PIK3C2B: variants seen among roughly 807,000 people sequenced by gnomAD.
The protein encoded by PIK3C2B is phosphatidylinositol 4-phosphate 3-kinase C2 domain-containing subunit beta.
Under a neutral mutation model 184.3 loss-of-function variants are expected in PIK3C2B, and 83 were observed. That is an observed-to-expected ratio of 0.45 (90% CI 0.38 to 0.54). The LOEUF is 0.54. Ranked by LOEUF, PIK3C2B falls within the 20% of genes least tolerant of loss-of-function variation. The pLI, the probability that PIK3C2B is intolerant of heterozygous loss-of-function variation, is 0.00. For synonymous variants in PIK3C2B, 779 were observed against 837.6 expected, an observed-to-expected ratio of 0.93 and a Z score of 1.21; for missense variants, 1,736 against 2,113.5, an observed-to-expected ratio of 0.82 and a Z score of 3.50.
chr1:204,465,176 C>A, intron 3 of PIK3C2B, 43 bp downstream of exon 3: 2 of 896,226 alleles, frequency 2.2e-6, no homozygotes, highest in South Asian at 2.7e-5. Flanking sequence ...CCTCCCCATC[C>A]CCCATAGCCC....
intron 14 of PIK3C2B, 145 bp downstream of exon 14, chr1:204,449,040 C>G: frequency 3.1e-6 from 2 of 646,936 alleles, no homozygotes; most frequent in Non-Finnish European, 5.6e-6. Flanking sequence ...ACCATATTCC[C>G]TCAGTTGCTT....
intron 24 of PIK3C2B, 60 bp from the exon 25 acceptor site, chr1:204,434,009 G>C: frequency 7.2e-7 from 1 of 1,381,334 alleles, no homozygotes. Flanking sequence ...CCACCATATG[G>C]GCTGCATCAG....
chr1:204,454,500 A>T, intron 12 of PIK3C2B, 169 bp downstream of exon 12: 1 of 577,692 alleles, frequency 1.7e-6, no homozygotes, highest in Non-Finnish European at 2.9e-6. Context: ...AAAAAAAAAA[A>T]GAGTCAGGGA....
intron 1 of PIK3C2B, among the ~76,000 whole-genome samples, chr1:204,477,217 T>C (rs1468104478): frequency 6.6e-6 from 1 of 152,158 alleles, no homozygotes; most frequent in African/African-American, 2.4e-5. Context: ...AATATACACA[T>C]TCCCGACCTC....
intron 5 of PIK3C2B, among the ~76,000 whole-genome samples, chr1:204,463,253 C>T (rs979052883): frequency 2.0e-5 from 3 of 152,192 alleles, no homozygotes; most frequent in Non-Finnish European, 4.4e-5. Context: ...CGTGCTTCCT[C>T]CAAGTGGACA....
At chr1:204,440,116 T>G in intron 22 of PIK3C2B, 76 bp downstream of exon 22, 1 of 1,448,412 alleles carries the variant, frequency 6.9e-7, no homozygotes, top group Non-Finnish European at 9.4e-7. Context: ...GAGGACACAG[T>G]TTGTGTTGGC....
intron 1 of PIK3C2B, among the ~76,000 whole-genome samples, chr1:204,476,507 T>C (rs1656723726): frequency 6.6e-6 from 1 of 152,132 alleles, no homozygotes; most frequent in Non-Finnish European, 1.5e-5. Context: ...GATCGTGCCA[T>C]TGCACTCCAG....
At chr1:204,462,257 G>A (rs570974407) in intron 5 of PIK3C2B, among the ~76,000 whole-genome samples, 107 of 152,232 alleles carry the variant, frequency 7.0e-4, no homozygotes, top group Non-Finnish European at 1.1e-3. Flanking sequence ...CACTACCTCC[G>A]GACCCAGGGG....
Position 204,491,064 on chromosome 1 carries a change from G to A in PIK3C2B, c.-85+3292C>T, listed in dbSNP as rs192807778. Among the ~76,000 whole-genome samples, 16 of 152,242 alleles carry A rather than the reference G, an allele frequency of 1.1e-4. No homozygotes were observed. The East Asian group carries it at 1.4e-3, about 13-fold the overall frequency. ...CCATGAGATGTCCCAGGCTGGTGAC[G>A]TCTCATGGGCATTCAAGGAATCCAT... On this transcript the variant is annotated intron_variant, in intron 1 of 32. Transcript: ENST00000684373.
Position 204,425,760 on chromosome 1 carries a change from CA to C in PIK3C2B, c.4588-20del, listed in dbSNP as rs56126116. The C allele has an allele frequency of 0.099, 158,121 of 1,605,174 alleles. 9,695 individuals carry two copies. Among genetic ancestry groups the C allele is most frequent in the African/African-American group, 0.29 (21,772 of 74,374 alleles). ...GCAGTTGCTACAATAGAATGAGAAC[CA>C]AAAAAATGTTAAGATTTTTAACATC... On this transcript the variant is annotated intron_variant, in intron 31 of 32. Transcript: ENST00000684373.
At chr1:204,462,886 T>G (rs1655447256) in intron 5 of PIK3C2B, among the ~76,000 whole-genome samples, 1 of 152,102 alleles carries the variant, frequency 6.6e-6, no homozygotes, top group Admixed American at 6.5e-5. Context: ...AAACCCAGTC[T>G]CTATTAAAAA....
At chr1:204,425,837 T>C (rs1674713437) in intron 31 of PIK3C2B, 96 bp from the exon 32 acceptor site, 2 of 1,170,854 alleles carry the variant, frequency 1.7e-6, no homozygotes, top group Non-Finnish European at 2.5e-6. Context: ...GACTCTCATC[T>C]GCCATCTGGC....
At chr1:204,432,108 G>T in intron 27 of PIK3C2B, 92 bp downstream of exon 27, 1 of 1,136,038 alleles carries the variant, frequency 8.8e-7, no homozygotes, top group Non-Finnish European at 1.3e-6. Flanking sequence ...CAACTCCTGT[G>T]CCCACTGTGC....
chr1:204,459,099 C>T (rs1343272511), intron 8 of PIK3C2B, among the ~76,000 whole-genome samples: 2 of 152,144 alleles, frequency 1.3e-5, no homozygotes, highest in Admixed American at 1.3e-4. Flanking sequence ...ACTACACAGC[C>T]CCAAACTCCT....
intron 23 of PIK3C2B, among the ~76,000 whole-genome samples, chr1:204,437,574 G>C (rs1466918536): frequency 6.6e-6 from 1 of 152,156 alleles, no homozygotes; most frequent in African/African-American, 2.4e-5. Context: ...CATTCCAGTG[G>C]TTCAGGGGAC....
intron 23 of PIK3C2B, among the ~76,000 whole-genome samples, chr1:204,438,471 CA>C (rs1675471647): frequency 6.6e-6 from 1 of 152,210 alleles, no homozygotes; most frequent in Admixed American, 6.5e-5. Flanking sequence ...TGCCACATAT[CA>C]GCTCCATAAC....
chr1:204,477,070 C>CT (rs2103525358), intron 1 of PIK3C2B, among the ~76,000 whole-genome samples: 1 of 152,306 alleles, frequency 6.6e-6, no homozygotes, highest in South Asian at 2.1e-4. Flanking sequence ...GCCTGAATCT[C>CT]TAAGAGCAAG....
intron 22 of PIK3C2B, 107 bp downstream of exon 22, chr1:204,440,084 TG>T (rs968235134): frequency 8.7e-7 from 1 of 1,146,740 alleles, no homozygotes; most frequent in African/African-American, 1.6e-5. Flanking sequence ...GAAATAATCT[TG>T]CCCTTTTCAC....
intron 14 of PIK3C2B, among the ~76,000 whole-genome samples, chr1:204,448,963 G>A (rs1360149721): frequency 7.2e-5 from 11 of 152,122 alleles, no homozygotes; most frequent in Admixed American, 1.3e-4. Flanking sequence ...CAGGCTCCAC[G>A]AAATCAATTT....
Sources: allele counts gnomAD v4.1 joint callset (sites outside exome capture counted in the v4.1 genomes callset), GRCh38; gene constraint gnomAD v4.1.1; transcripts MANE v1.5; gene names NCBI Gene and HGNC (gene_info 2026-07-23, HGNC 2026-07-21).